Variants in NMU observed in about 807,000 individuals in gnomAD.
The protein encoded by NMU is neuromedin-U.
Under a neutral mutation model 35.4 loss-of-function variants are expected in NMU, and 29 were observed. The observed-to-expected ratio is 0.82, with a 90% confidence interval of 0.61 to 1.12. NMU has a LOEUF of 1.12. Ranked by LOEUF, NMU falls within the 50% of genes most tolerant of loss-of-function variation. NMU has a pLI of 0.00. For missense variants in NMU, 199 were observed against 206.2 expected (o/e 0.97, Z 0.21); for synonymous variants, 78 against 81.3 (o/e 0.96, Z 0.22).
At chr4:55,627,997 T>C (rs1577962291) in intron 2 of NMU, among the ~76,000 whole-genome samples, 2 of 152,356 alleles carry the variant, frequency 1.3e-5, no homozygotes, top group East Asian at 3.9e-4. Context: ...ACATTTACTG[T>C]GTAAGATAGT....
intron 6 of NMU, among the ~76,000 whole-genome samples, chr4:55,606,992 T>C (rs1356089974): frequency 1.3e-5 from 2 of 152,160 alleles, no homozygotes; most frequent in African/African-American, 4.8e-5. Flanking sequence ...ATTTCTTTTT[T>C]AAATTTTGTT....
intron 3 of NMU, 36 bp from the exon 4 acceptor site, chr4:55,609,215 T>G (rs765991754): frequency 2.7e-5 from 41 of 1,519,500 alleles, no homozygotes; most frequent in Non-Finnish European, 3.8e-5. Context: ...GTTATGCTTC[T>G]GCTTTAACGA....
At chr4:55,613,124 A>C (rs1430846561) in intron 3 of NMU, among the ~76,000 whole-genome samples, 4 of 152,184 alleles carry the variant, frequency 2.6e-5, no homozygotes, top group Non-Finnish European at 5.9e-5. Context: ...GGCAAAGAGA[A>C]GGAAACAGTA....
chr4:55,600,260 C>G (rs1333909147), intron 8 of NMU, among the ~76,000 whole-genome samples: 1 of 151,948 alleles, frequency 6.6e-6, no homozygotes, highest in African/African-American at 2.4e-5. Flanking sequence ...CATAAAATGT[C>G]ATGGAATTAA....
chr4:55,595,800 C>T (rs1364798363), intron 9 of NMU, among the ~76,000 whole-genome samples: 2 of 151,352 alleles, frequency 1.3e-5, no homozygotes, highest in African/African-American at 4.9e-5. Context: ...ACCACCATGC[C>T]CAGCTAATTT....
In NMU at chr4:55,613,337, A is replaced by G. The variant is rs569514058; in HGVS notation, c.219+3001T>C. Among the ~76,000 whole-genome samples the G allele has an allele frequency of 1.3e-5, 2 of 152,160 alleles. 1 individual carries two copies. Reference sequence around the variant, plus strand: ...AAATTATTTAGGTTCTGTAGGCTCTATCAAGGGATTTTGATACTATTCTAA... The same window carrying G: ...AAATTATTTAGGTTCTGTAGGCTCTGTCAAGGGATTTTGATACTATTCTAA... On this transcript the variant is annotated intron_variant, in intron 3 of 9. Coordinates refer to ENST00000264218, the MANE Select transcript of NMU (RefSeq NM_006681.4).
intron 1 of NMU, among the ~76,000 whole-genome samples, chr4:55,632,107 T>G (rs112619975): frequency 3.7e-4 from 56 of 152,186 alleles, no homozygotes; most frequent in African/African-American, 1.3e-3. Flanking sequence ...AGCTAAGCTA[T>G]GAGGACACAA....
chr4:55,630,272 G>C, intron 2 of NMU, 130 bp downstream of exon 2: 1 of 760,384 alleles, frequency 1.3e-6, no homozygotes, highest in Non-Finnish European at 2.2e-6. Flanking sequence ...AATAAAAATA[G>C]TAATTCTGGG....
intron 6 of NMU, among the ~76,000 whole-genome samples, chr4:55,606,681 C>CTTTTT (rs541449403): frequency 7.1e-6 from 1 of 139,954 alleles, no homozygotes; most frequent in Non-Finnish European, 1.5e-5. Context: ...TCTTTCTTTT[C>CTTTTT]TTTTTTTTTT....
Position 55,595,267 on chromosome 4 carries a change from T to C in NMU, c.*149A>G. On this transcript the variant is annotated 3_prime_UTR_variant, in exon 10 of 10. Transcript: ENST00000264218. ...TTTTTAATTTTCAACAAATTGAACATTTACAACATTGTTACAACTGAGAAC... is the reference window on the plus strand; with the variant it reads ...TTTTTAATTTTCAACAAATTGAACACTTACAACATTGTTACAACTGAGAAC... 6.6e-6 allele frequency: 1 copy of C among 152,488 alleles called. No individual in the cohort carries two copies. The highest frequency in any genetic ancestry group is 6.6e-5 in the Admixed American group (1 of 15,256). The allele number at this position is 152,488 out of a possible 1,614,324, so 9.4% of individuals were successfully genotyped here. A position where few individuals can be genotyped will look rare whatever the true frequency, so the allele number is the denominator to read the frequency against.
intron 3 of NMU, among the ~76,000 whole-genome samples, chr4:55,615,845 G>A (rs528880964): frequency 4.6e-5 from 7 of 152,074 alleles, no homozygotes; most frequent in African/African-American, 1.2e-4. Context: ...ATGTGTTCTC[G>A]TCACTTAACT....
intron 2 of NMU, among the ~76,000 whole-genome samples, chr4:55,619,818 G>C (rs1274821216): frequency 7.6e-5 from 11 of 145,412 alleles, no homozygotes; most frequent in South Asian, 4.9e-4. Context: ...CTGGAGATCT[G>C]AGAACTGGCA....
intron 2 of NMU, among the ~76,000 whole-genome samples, chr4:55,628,255 G>A (rs970462929): frequency 2.0e-5 from 3 of 152,112 alleles, no homozygotes; most frequent in Non-Finnish European, 4.4e-5. Flanking sequence ...TATTTACAGA[G>A]TTGAGCAACC....
intron 6 of NMU, among the ~76,000 whole-genome samples, chr4:55,606,087 A>G (rs544947674): frequency 2.0e-5 from 3 of 152,194 alleles, no homozygotes; most frequent in Admixed American, 6.5e-5. Flanking sequence ...AACTAATTCA[A>G]CTTGTACTTG....
chr4:55,613,524 G>T (rs1734012448), intron 3 of NMU, among the ~76,000 whole-genome samples: 1 of 152,070 alleles, frequency 6.6e-6, no homozygotes, highest in Non-Finnish European at 1.5e-5. Flanking sequence ...CATGAATTGA[G>T]TTTATTATCA....
In NMU at chr4:55,607,437, C is replaced by T. The variant is rs757479424; in HGVS notation, c.309G>A (p.Arg103=). 2.1e-5 allele frequency: 22 copies of T among 1,052,836 alleles called. No individual in the cohort carries two copies. Among genetic ancestry groups the T allele is most frequent in the Non-Finnish European group, 3.2e-5 (22 of 688,234 alleles). The allele number at this position is 1,052,836 out of a possible 1,614,324, so 65.2% of individuals were successfully genotyped here. A position where few individuals can be genotyped will look rare whatever the true frequency, so the allele number is the denominator to read the frequency against. The change falls in exon 5 of 10, where the codon AGG becomes AGA. Residue 103 remains arginine (R), a splice_region_variant and synonymous_variant. Transcript: ENST00000264218. ...TATAGATGTATGAAAATCATCTTAC[C>T]CTTTTAGTATTATCTTTTTCATCTT... ...QEQDEKDNTK[R]FLFHYSKTQK... is the part of the protein sequence containing the mutation.
At chr4:55,613,286 T>TA (rs1734004976) in intron 3 of NMU, among the ~76,000 whole-genome samples, 1 of 152,140 alleles carries the variant, frequency 6.6e-6, no homozygotes, top group Admixed American at 6.5e-5. Context: ...TCTGCACATT[T>TA]ACCCCTGAAC....
In NMU at chr4:55,599,105, T is replaced by A. The variant is rs1487035417; in HGVS notation, c.*4+37A>T. The A allele has an allele frequency of 5.7e-6, 8 of 1,402,844 alleles. No individual in the cohort carries two copies. The African/African-American group carries it at 8.6e-5, about 15-fold the overall frequency. The allele number at this position is 1,402,844 out of a possible 1,614,324, so 86.9% of individuals were successfully genotyped here. A position where few individuals can be genotyped will look rare whatever the true frequency, so the allele number is the denominator to read the frequency against. On this transcript the variant is annotated intron_variant, in intron 9 of 9. Coordinates refer to ENST00000264218, the MANE Select transcript of NMU (RefSeq NM_006681.4). ...GTGTTGAACTGTGAAATGCATACTA[T>A]TTTATTTATTTATTTGTTTATTTAT...
intron 1 of NMU, among the ~76,000 whole-genome samples, chr4:55,632,970 G>GAA (rs57903053): frequency 1.6e-5 from 2 of 121,456 alleles, no homozygotes; most frequent in African/African-American, 3.0e-5. Context: ...TTTCACTGTG[G>GAA]AAAAAAAAAA....
Sources: gnomAD v4.1 joint callset for allele counts (sites outside exome capture counted in the v4.1 genomes callset) on GRCh38, gnomAD v4.1.1 for gene constraint, MANE v1.5 for transcripts, NCBI Gene and HGNC (gene_info 2026-07-23, HGNC 2026-07-21) for gene names.